Variants in GOLGA8B observed in about 807,000 individuals in gnomAD.
GOLGA8B encodes the protein golgin subfamily A member 8B.
GOLGA8B carries 1 observed loss-of-function variant against 15.6 expected under a neutral mutation model. The observed-to-expected ratio is 0.06, with a 90% CI of 0.02 to 0.30. The LOEUF (loss-of-function observed/expected upper bound fraction) is 0.30. Among genes scored for constraint, GOLGA8B ranks in the 10% least tolerant of loss-of-function variants. The pLI, the probability that GOLGA8B is intolerant of heterozygous loss-of-function variation, is 1.00. For synonymous variants in GOLGA8B, 9 were observed against 80.3 expected (o/e 0.11, Z 4.75); for missense variants, 17 against 201.3 (o/e 0.08, Z 5.54).
chr15:34,583,625 G>C lies in GOLGA8B; in HGVS notation c.-1232C>G, dbSNP rs1056289023. Reference sequence around the variant, plus strand: ...GAGCCCGCACGTAGCGGCACACCGCGACTGCTAATTAGCCCGGAAGCTGAA... The same window carrying C: ...GAGCCCGCACGTAGCGGCACACCGCCACTGCTAATTAGCCCGGAAGCTGAA... On this transcript the variant is annotated 5_prime_UTR_variant, in exon 1 of 24. Coordinates refer to ENST00000683415, the MANE Select transcript of GOLGA8B (RefSeq NM_001023567.5). The C allele has an allele frequency of 1.3e-5, 2 of 152,216 alleles. No homozygotes were observed. Among genetic ancestry groups the C allele is most frequent in the Non-Finnish European group, 2.9e-5 (2 of 68,078 alleles). The allele number at this position is 152,216 out of a possible 1,614,324, so 9.4% of individuals were successfully genotyped here.
chr15:34,574,326 G>C (rs900329589), intron 1 of GOLGA8B, among the ~76,000 whole-genome samples: 1 of 148,986 alleles, frequency 6.7e-6, no homozygotes, highest in African/African-American at 2.5e-5. Flanking sequence ...TTTTGAGAGA[G>C]AGAAGTTCTC....
intron 1 of GOLGA8B, chr15:34,582,989 C>G (rs1222478754): frequency 6.6e-6 from 1 of 152,148 alleles, no homozygotes; most frequent in East Asian, 1.9e-4. Context: ...AGAAGTTTTT[C>G]TCTCTGGGCC....
intron 4 of GOLGA8B, among the ~76,000 whole-genome samples, chr15:34,548,455 A>G (rs1239894184): frequency 6.7e-6 from 1 of 150,250 alleles, no homozygotes; most frequent in Non-Finnish European, 1.5e-5. Context: ...AGAGGTCACT[A>G]TAGCTTCCAG....
chr15:34,572,457 T>C (rs1276602328), intron 1 of GOLGA8B, among the ~76,000 whole-genome samples: 86 of 151,750 alleles, frequency 5.7e-4, no homozygotes, highest in African/African-American at 2.0e-3. Flanking sequence ...GTCAGAATAA[T>C]GCTGCTTGCG....
chr15:34,572,510 G>A (rs544132235), intron 1 of GOLGA8B, among the ~76,000 whole-genome samples: 58 of 152,292 alleles, frequency 3.8e-4, no homozygotes, highest in African/African-American at 1.3e-3. Context: ...GCTGGTGAGC[G>A]GATCGAAGTG....
chr15:34,547,151 GT>G (rs777932523), intron 4 of GOLGA8B, among the ~76,000 whole-genome samples, 169 bp from the exon 5 acceptor site: 1 of 32,964 alleles, frequency 3.0e-5, no homozygotes, highest in African/African-American at 2.4e-4. Flanking sequence ...TTTTATGTCT[GT>G]TTTTTTCATC....
intron 1 of GOLGA8B, among the ~76,000 whole-genome samples, chr15:34,579,471 T>A (rs886130224): frequency 1.3e-5 from 2 of 152,098 alleles, no homozygotes; most frequent in African/African-American, 4.8e-5. Flanking sequence ...AGCGCTGACT[T>A]TGGCAGCAGG....
chr15:34,569,633 T>C (rs201305480), intron 1 of GOLGA8B, among the ~76,000 whole-genome samples: 10,205 of 147,842 alleles, frequency 0.069, no homozygotes, highest in South Asian at 0.18. Context: ...CCCATCACCA[T>C]AAACACATTG....
intron 7 of GOLGA8B, among the ~76,000 whole-genome samples, chr15:34,542,749 TTCTCTC>T (rs1182979029): frequency 1.4e-5 from 2 of 144,868 alleles, no homozygotes; most frequent in Non-Finnish European, 3.0e-5. Context: ...CGGCATATCT[TTCTCTC>T]TCTCTCTCCT....
At chr15:34,560,034 C>T (rs1196659957) in intron 1 of GOLGA8B, among the ~76,000 whole-genome samples, 57 of 149,182 alleles carry the variant, frequency 3.8e-4, no homozygotes, top group Middle Eastern at 3.4e-3. Context: ...AATACAACCA[C>T]ATCCTGAGTG....
intron 1 of GOLGA8B, among the ~76,000 whole-genome samples, chr15:34,569,615 A>C (rs1407038981): frequency 1.2e-4 from 19 of 152,076 alleles, no homozygotes; most frequent in Middle Eastern, 3.4e-3. Context: ...TAAGATGAGA[A>C]AATGATGCCC....
At chr15:34,578,747 A>G (rs1889148908) in intron 1 of GOLGA8B, among the ~76,000 whole-genome samples, 1 of 152,236 alleles carries the variant, frequency 6.6e-6, no homozygotes, top group Non-Finnish European at 1.5e-5. Flanking sequence ...CCATCTTTAA[A>G]TGTTGGAGTG....
At chr15:34,581,048 C>G (rs1222223546) in intron 1 of GOLGA8B, among the ~76,000 whole-genome samples, 1 of 152,226 alleles carries the variant, frequency 6.6e-6, no homozygotes, top group East Asian at 1.9e-4. Context: ...CATGTGATCT[C>G]TGCCGAAGAC....
chr15:34,554,345 C>T (rs1888433853), intron 1 of GOLGA8B, among the ~76,000 whole-genome samples: 1 of 152,258 alleles, frequency 6.6e-6, no homozygotes, highest in Non-Finnish European at 1.5e-5. Context: ...CACATGTGTG[C>T]ATGTGTGTGC....
chr15:34,569,503 G>A (rs1888847892), intron 1 of GOLGA8B, among the ~76,000 whole-genome samples: 2 of 151,058 alleles, frequency 1.3e-5, no homozygotes, highest in Non-Finnish European at 2.9e-5. Flanking sequence ...TGCAGCTCCT[G>A]TTGGAAGAGG....
rs1255112460 is a variant in GOLGA8B, at chr15:34,527,389, C to G, written c.*243G>C. On this transcript the variant is annotated 3_prime_UTR_variant, in exon 24 of 24. Transcript: ENST00000683415. ...CAAACTCGATATGCATGCTAATGAC[C>G]TACAATTATGAAATGAAAAAAGAAA... 6 of 501,638 alleles carry G rather than the reference C, an allele frequency of 1.2e-5. No homozygotes were observed. Among genetic ancestry groups the G allele is most frequent in the Non-Finnish European group, 2.0e-5 (6 of 296,818 alleles). The allele number at this position is 501,638 out of a possible 1,614,324, so 31.1% of individuals were successfully genotyped here. A position where few individuals can be genotyped will look rare whatever the true frequency, so the allele number is the denominator to read the frequency against.
At chr15:34,572,430 T>C (rs1357404713) in intron 1 of GOLGA8B, among the ~76,000 whole-genome samples, 1 of 152,168 alleles carries the variant, frequency 6.6e-6, no homozygotes, top group Non-Finnish European at 1.5e-5. Flanking sequence ...AAGTAAACAG[T>C]CACATATTAT....
chr15:34,573,558 A>T (rs1888984223), intron 1 of GOLGA8B, among the ~76,000 whole-genome samples: 1 of 136,036 alleles, frequency 7.4e-6, no homozygotes, highest in Non-Finnish European at 1.6e-5. Context: ...AAAAAAAAAA[A>T]AAAAATTCAC....
At chr15:34,567,196 C>T (rs1010080849) in intron 1 of GOLGA8B, among the ~76,000 whole-genome samples, 1 of 142,094 alleles carries the variant, frequency 7.0e-6, no homozygotes, top group African/African-American at 2.7e-5. Context: ...ACCATCCCGC[C>T]GGGGGCAACC....
Sources: allele counts gnomAD v4.1 joint callset (sites outside exome capture counted in the v4.1 genomes callset), GRCh38; gene constraint gnomAD v4.1.1; transcripts MANE v1.5; gene names NCBI Gene and HGNC (gene_info 2026-07-23, HGNC 2026-07-21).